Variants in SLC9A9 observed in about 807,000 individuals in gnomAD.
SLC9A9 encodes solute carrier family 9 member A9.
A neutral mutation model predicts 77.8 loss-of-function variants in SLC9A9; 62 were observed. The ratio of observed to expected loss-of-function variants is 0.80; its 90% confidence interval spans 0.65 to 0.98. The LOEUF (loss-of-function observed/expected upper bound fraction) is 0.98. Among genes scored for constraint, SLC9A9 ranks in the 50% least tolerant of loss-of-function variants. The pLI is 0.00. For synonymous variants in SLC9A9, 320 were observed against 283.5 expected (o/e 1.13, Z -1.29); for missense variants, 775 against 774.9 (o/e 1.00, Z 0.00).
chr3:143,505,233 C>A (rs1460693901), intron 9 of SLC9A9, among the ~76,000 whole-genome samples: 1 of 152,096 alleles, frequency 6.6e-6, no homozygotes, highest in Non-Finnish European at 1.5e-5. Flanking sequence ...CTCCCTGCCC[C>A]CAAAAAGCAA....
chr3:143,643,123 A>C (rs2038649173), intron 6 of SLC9A9, among the ~76,000 whole-genome samples: 1 of 151,888 alleles, frequency 6.6e-6, no homozygotes, highest in Non-Finnish European at 1.5e-5. Context: ...TTTTCAGAAA[A>C]GATTCTGTTT....
intron 2 of SLC9A9, among the ~76,000 whole-genome samples, chr3:143,807,127 G>A (rs1183255197): frequency 1.3e-5 from 2 of 152,186 alleles, no homozygotes; most frequent in African/African-American, 4.8e-5. Context: ...AGCATAACAC[G>A]CACAGAGATC....
intron 9 of SLC9A9, among the ~76,000 whole-genome samples, chr3:143,551,546 C>T (rs2036884641): frequency 6.6e-6 from 1 of 152,182 alleles, no homozygotes; most frequent in African/African-American, 2.4e-5. Context: ...CTAGTAGACC[C>T]CAGATCTTTA....
At chr3:143,494,644 G>A (rs1459885337) in intron 10 of SLC9A9, among the ~76,000 whole-genome samples, 1 of 152,232 alleles carries the variant, frequency 6.6e-6, no homozygotes, top group African/African-American at 2.4e-5. Flanking sequence ...GTTGCTGACT[G>A]CCTTTGGGGA....
At chr3:143,615,898 T>G (rs2038096141) in intron 6 of SLC9A9, among the ~76,000 whole-genome samples, 1 of 150,850 alleles carries the variant, frequency 6.6e-6, no homozygotes, top group African/African-American at 2.5e-5. Flanking sequence ...TTTTTTTTTT[T>G]GTGACAGAGT....
intron 12 of SLC9A9, among the ~76,000 whole-genome samples, chr3:143,410,382 A>G (rs1303418514): frequency 6.6e-6 from 1 of 152,162 alleles, no homozygotes; most frequent in African/African-American, 2.4e-5. Context: ...TCAAAATTCA[A>G]CTTGTCTGAC....
intron 9 of SLC9A9, among the ~76,000 whole-genome samples, chr3:143,536,871 C>T (rs538711690): frequency 1.3e-5 from 2 of 152,178 alleles, no homozygotes; most frequent in African/African-American, 4.8e-5. Context: ...TTACTGTGCC[C>T]TAGGTCACTG....
rs144956727 is a variant in SLC9A9 at position 143,341,181 on chromosome 3, A to T, written c.1604+22303T>A. 3.4e-3 allele frequency among the ~76,000 whole-genome samples: 513 copies of T among 152,068 alleles called. 3 individuals are homozygous for T. The highest frequency in any genetic ancestry group is 0.016 in the East Asian group (85 of 5,172). On this transcript the variant is annotated intron_variant, in intron 14 of 15. Transcript: ENST00000316549. ...TTAATTTGGTGTGATCGGGAGGTGA[A>T]TTTCTTTAGGATCTTTTTCACTGTT...
intron 5 of SLC9A9, among the ~76,000 whole-genome samples, chr3:143,691,557 G>C (rs185741200): frequency 2.0e-4 from 31 of 152,206 alleles, no homozygotes; most frequent in African/African-American, 7.0e-4. Context: ...TGTAATTGTT[G>C]ATGAACATTG....
rs139126308 is a variant in SLC9A9, at chr3:143,820,774, A to G, written c.378+11245T>C. On this transcript the variant is annotated intron_variant, in intron 2 of 15. Transcript: ENST00000316549. ...AACAATTAAAACTTTGCACATCAAC[A>G]ATGATTTCTTTCTTTTTTCCAATCT... 2.6e-5 allele frequency among the ~76,000 whole-genome samples: 4 copies of G among 152,160 alleles called. No individual in the cohort carries two copies. The East Asian group carries it at 7.7e-4, about 29-fold the overall frequency.
intron 4 of SLC9A9, among the ~76,000 whole-genome samples, chr3:143,748,650 T>C (rs1935257310): frequency 6.6e-6 from 1 of 151,150 alleles, no homozygotes; most frequent in South Asian, 2.1e-4. Flanking sequence ...CTTCTTTCTT[T>C]GAACAGAGGA....
intron 9 of SLC9A9, among the ~76,000 whole-genome samples, chr3:143,538,559 A>G (rs1369258691): frequency 6.6e-6 from 1 of 152,224 alleles, no homozygotes; most frequent in Non-Finnish European, 1.5e-5. Flanking sequence ...CACTAGTCAC[A>G]GAACTTCACA....
At chr3:143,665,203 A>G (rs562961597) in intron 5 of SLC9A9, among the ~76,000 whole-genome samples, 3 of 152,252 alleles carry the variant, frequency 2.0e-5, no homozygotes, top group Non-Finnish European at 1.5e-5. Flanking sequence ...GCTCAACTAC[A>G]TGGAAACTAA....
chr3:143,470,349 G>A (rs1170948041), intron 11 of SLC9A9, among the ~76,000 whole-genome samples: 8 of 151,868 alleles, frequency 5.3e-5, no homozygotes, highest in African/African-American at 1.9e-4. Flanking sequence ...GTGTGATGGT[G>A]GATGCCTGTA....
intron 6 of SLC9A9, among the ~76,000 whole-genome samples, chr3:143,611,827 G>A (rs1344639016): frequency 6.6e-6 from 1 of 152,112 alleles, no homozygotes; most frequent in African/African-American, 2.4e-5. Flanking sequence ...CCGACCTCCT[G>A]GGTCTAAGTA....
intron 6 of SLC9A9, among the ~76,000 whole-genome samples, chr3:143,596,288 G>C (rs551665965): frequency 7.2e-5 from 11 of 151,764 alleles, no homozygotes; most frequent in African/African-American, 2.7e-4. Flanking sequence ...TCTTCTCAAC[G>C]TGTGTGTGTG....
chr3:143,743,796 G>A (rs1935140049), intron 4 of SLC9A9, among the ~76,000 whole-genome samples: 1 of 152,190 alleles, frequency 6.6e-6, no homozygotes, highest in Non-Finnish European at 1.5e-5. Context: ...CAGAACCTTC[G>A]TGTGATTGCT....
chr3:143,337,849 T>C (rs2031975246), intron 14 of SLC9A9, among the ~76,000 whole-genome samples: 1 of 152,158 alleles, frequency 6.6e-6, no homozygotes, highest in Non-Finnish European at 1.5e-5. Flanking sequence ...CTTGTGTCCT[T>C]TGTTGGTGGA....
At chr3:143,495,585 C>T (rs2035820767) in intron 9 of SLC9A9, 137 bp from the exon 10 acceptor site, 6 of 666,054 alleles carry the variant, frequency 9.0e-6, no homozygotes, top group Non-Finnish European at 1.1e-5. Context: ...TGCTTAGCCT[C>T]TGAAGGAGGA....
Sources: gnomAD v4.1 joint callset for allele counts (sites outside exome capture counted in the v4.1 genomes callset) on GRCh38, gnomAD v4.1.1 for gene constraint, MANE v1.5 for transcripts, NCBI Gene and HGNC (gene_info 2026-07-23, HGNC 2026-07-21) for gene names.